TMEM135: variants seen among roughly 807,000 people sequenced by gnomAD.
TMEM135 encodes the protein peroxisomal membrane protein 52.
In TMEM135, 30 loss-of-function variants were observed where a neutral mutation model predicts 60.3. That is an observed-to-expected ratio of 0.50 (90% CI 0.37 to 0.68). The LOEUF is 0.68. TMEM135 is among the 30% of genes least tolerant of loss of function. The pLI is 0.00. For synonymous variants in TMEM135, 190 were observed against 186.7 expected (o/e 1.02, Z -0.14); for missense variants, 468 against 548.8 (o/e 0.85, Z 1.47).
At chr11:87,318,005 A>G in intron 12 of TMEM135, 132 bp from the exon 13 acceptor site, 2 of 714,100 alleles carry the variant, frequency 2.8e-6, no homozygotes, top group Admixed American at 4.4e-5. Context: ...ATTATGAAAA[A>G]TGTGACATCG....
chr11:87,112,274 A>G (rs1450920496), intron 4 of TMEM135, among the ~76,000 whole-genome samples: 18 of 152,212 alleles, frequency 1.2e-4, no homozygotes, highest in Admixed American at 1.1e-3. Context: ...ACTTTTAGGA[A>G]TTAAATTATT....
chr11:87,307,936 A>G (rs1376501107), intron 9 of TMEM135, among the ~76,000 whole-genome samples: 2 of 152,152 alleles, frequency 1.3e-5, no homozygotes, highest in African/African-American at 4.8e-5. Flanking sequence ...AGCTGTCTGA[A>G]ATGTTTTTCT....
intron 4 of TMEM135, among the ~76,000 whole-genome samples, chr11:87,135,493 C>T (rs200639656): frequency 5.6e-5 from 8 of 142,026 alleles, no homozygotes; most frequent in South Asian, 4.4e-4. Flanking sequence ...AAGAGTTCAT[C>T]TTTTTTTTTT....
At chr11:87,282,093 A>T (rs933099696) in intron 6 of TMEM135, among the ~76,000 whole-genome samples, 2 of 152,182 alleles carry the variant, frequency 1.3e-5, no homozygotes, top group African/African-American at 4.8e-5. Flanking sequence ...TGAATTCAGG[A>T]GGTCTGGAGT....
chr11:87,194,396 C>CA (rs1464339404), intron 5 of TMEM135, among the ~76,000 whole-genome samples: 2 of 152,158 alleles, frequency 1.3e-5, no homozygotes, highest in Non-Finnish European at 2.9e-5. Context: ...GAAAAAATCT[C>CA]AAATCGTTTA....
At chr11:87,195,391 T>TTCTCTCTCTCTCTTTC (rs1555116641) in intron 5 of TMEM135, among the ~76,000 whole-genome samples, 6 of 65,758 alleles carry the variant, frequency 9.1e-5, no homozygotes, top group Non-Finnish European at 1.6e-4. Context: ...CCTTCCTTCC[T>TTCTCTCTCTCTCTTTC]TCTCTCTCTC....
intron 4 of TMEM135, among the ~76,000 whole-genome samples, chr11:87,118,241 T>C (rs773353407): frequency 7.9e-5 from 12 of 152,170 alleles, no homozygotes; most frequent in Non-Finnish European, 1.8e-4. Context: ...TAAATGGTCA[T>C]TGGCTTAAAC....
chr11:87,295,303 A>C (rs1357361934), intron 6 of TMEM135, among the ~76,000 whole-genome samples: 1 of 152,212 alleles, frequency 6.6e-6, no homozygotes, highest in Non-Finnish European at 1.5e-5. Flanking sequence ...CTGTTGAACT[A>C]AACTTGAAAC....
chr11:87,175,717 G>A (rs1200090629), intron 5 of TMEM135, among the ~76,000 whole-genome samples: 2 of 152,086 alleles, frequency 1.3e-5, no homozygotes, highest in African/African-American at 4.8e-5. Context: ...GGTCAAGAAA[G>A]CAATTATTTC....
intron 4 of TMEM135, among the ~76,000 whole-genome samples, chr11:87,152,777 C>G (rs1444029511): frequency 1.3e-5 from 2 of 152,168 alleles, no homozygotes; most frequent in East Asian, 3.9e-4. Flanking sequence ...GTATCCTTTT[C>G]TTTTGCCTCA....
chr11:87,228,218 T>TCAGTA (rs1940808620), intron 5 of TMEM135, among the ~76,000 whole-genome samples: 1 of 152,122 alleles, frequency 6.6e-6, no homozygotes, highest in Non-Finnish European at 1.5e-5. Flanking sequence ...AGGTAGTTAT[T>TCAGTA]TTCCCCTAGT....
At chr11:87,224,741 A>G (rs618159) in intron 5 of TMEM135, among the ~76,000 whole-genome samples, 9,371 of 146,214 alleles carry the variant, frequency 0.064, 383 homozygotes, top group South Asian at 0.12. Context: ...CCTTCTCCGT[A>G]TGCTGAATGA....
Position 87,327,831 on chromosome 11 carries a change from T to A in TMEM135, c.*6498T>A, listed in dbSNP as rs956092582. 2.2e-6 allele frequency: 1 copy of A among 453,874 alleles called. No homozygotes were observed. Among genetic ancestry groups the A allele is most frequent in the African/African-American group, 2.0e-5 (1 of 49,968 alleles). The allele number at this position is 453,874 out of a possible 1,614,324, so 28.1% of individuals were successfully genotyped here. On this transcript the variant is annotated 3_prime_UTR_variant, in exon 15 of 15. Transcript: ENST00000305494. ...GGTTAGAGGATCTGGGGTCCTAATG[T>A]CCATGGGCAGTTGGAGAAGAGTGTA...
rs534036168 is a variant in TMEM135 at position 87,235,155 on chromosome 11, A to G, written c.463-1483A>G. Reference sequence around the variant, plus strand: ...CCACTTAGACTTCAATTTATAATCAATTAGAATAACTGAAAGTTATTTTAC... The same window carrying G: ...CCACTTAGACTTCAATTTATAATCAGTTAGAATAACTGAAAGTTATTTTAC... On this transcript the variant is annotated intron_variant, in intron 5 of 14. Transcript: ENST00000305494. Among the ~76,000 whole-genome samples, 524 of 152,096 alleles carry G rather than the reference A, an allele frequency of 3.4e-3. 6 individuals are homozygous for G. The highest frequency in any genetic ancestry group is 0.012 in the African/African-American group (497 of 41,552).
chr11:87,281,700 T>C (rs1942062983), intron 6 of TMEM135, among the ~76,000 whole-genome samples: 1 of 152,224 alleles, frequency 6.6e-6, no homozygotes, highest in Admixed American at 6.5e-5. Context: ...ATTGACATCA[T>C]GCCTGGAGTT....
chr11:87,175,392 A>G lies in TMEM135; in HGVS notation c.462+17986A>G, dbSNP rs561190938. Among the ~76,000 whole-genome samples the G allele has an allele frequency of 1.1e-4, 17 of 152,352 alleles. No homozygotes were observed. In the South Asian group the frequency reaches 3.5e-3, roughly 32 times the overall value. On this transcript the variant is annotated intron_variant, in intron 5 of 14. Coordinates refer to ENST00000305494, the MANE Select transcript of TMEM135 (RefSeq NM_022918.4). The stretch of plus-strand genomic sequence containing the variant: ...AGTTTATTTTGAAAAGTTGGTGTAG[A>G]CCAAGAAGGCCAAAGGTCAAACCAA...
chr11:87,059,056 G>A (rs1949921010), intron 1 of TMEM135, among the ~76,000 whole-genome samples: 1 of 151,788 alleles, frequency 6.6e-6, no homozygotes, highest in South Asian at 2.1e-4. Flanking sequence ...TCCTGCCTCA[G>A]CCTCCCAAGT....
intron 1 of TMEM135, among the ~76,000 whole-genome samples, chr11:87,065,941 A>G (rs961918242): frequency 2.0e-5 from 3 of 152,290 alleles, no homozygotes; most frequent in South Asian, 2.1e-4. Context: ...GTTTGTGTCT[A>G]TTTCCCTACG....
chr11:87,091,096 G>A (rs1412593136), intron 3 of TMEM135, among the ~76,000 whole-genome samples: 1 of 151,876 alleles, frequency 6.6e-6, no homozygotes, highest in Non-Finnish European at 1.5e-5. Context: ...AATAACAATG[G>A]GGAAATAGTA....
Sources: allele counts gnomAD v4.1 joint callset (sites outside exome capture counted in the v4.1 genomes callset), GRCh38; gene constraint gnomAD v4.1.1; transcripts MANE v1.5; gene names NCBI Gene and HGNC (gene_info 2026-07-23, HGNC 2026-07-21).